Variants in FBXL17 observed in about 807,000 individuals in gnomAD.
FBXL17 encodes F-box/LRR-repeat protein 17.
In FBXL17, 22 loss-of-function variants were observed where a neutral mutation model predicts 66.2. The ratio of observed to expected loss-of-function variants is 0.33; its 90% confidence interval spans 0.24 to 0.47. The LOEUF (loss-of-function observed/expected upper bound fraction) is 0.47, where lower values mean the gene tolerates loss of function less well. Among genes scored for constraint, FBXL17 ranks in the 20% least tolerant of loss-of-function variants. FBXL17 has a pLI of 1.00. For synonymous variants in FBXL17, 474 were observed against 400.5 expected (o/e 1.18, Z -2.19); for missense variants, 878 against 948.2 (o/e 0.93, Z 0.97).
chr5:107,891,581 T>C (rs1054393402), intron 7 of FBXL17, among the ~76,000 whole-genome samples: 6 of 152,102 alleles, frequency 3.9e-5, no homozygotes, highest in African/African-American at 1.4e-4. Flanking sequence ...ATTTTAAAGA[T>C]AGGACCAACA....
At chr5:108,196,247 G>A (rs1483752418) in intron 5 of FBXL17, among the ~76,000 whole-genome samples, 1 of 150,388 alleles carries the variant, frequency 6.6e-6, no homozygotes, top group Non-Finnish European at 1.5e-5. Context: ...AAAAAAAAAC[G>A]CTTATAGCAA....
intron 6 of FBXL17, among the ~76,000 whole-genome samples, chr5:108,145,664 G>A (rs899353851): frequency 6.6e-6 from 1 of 152,082 alleles, no homozygotes; most frequent in Non-Finnish European, 1.5e-5. Context: ...TTATCAGATA[G>A]TGAGAATTAT....
intron 6 of FBXL17, among the ~76,000 whole-genome samples, chr5:108,169,365 C>T (rs1752525167): frequency 6.6e-6 from 1 of 152,122 alleles, no homozygotes; most frequent in South Asian, 2.1e-4. Flanking sequence ...CAAAGATAGT[C>T]ATTCCATAAA....
chr5:108,183,538 G>C (rs1376171666), intron 6 of FBXL17, among the ~76,000 whole-genome samples: 1 of 152,056 alleles, frequency 6.6e-6, no homozygotes, highest in Non-Finnish European at 1.5e-5. Flanking sequence ...TTGTTTTCAG[G>C]AAAGTTAATT....
At chr5:108,025,718 C>G (rs1049319352) in intron 6 of FBXL17, among the ~76,000 whole-genome samples, 1 of 106,842 alleles carries the variant, frequency 9.4e-6, no homozygotes, top group Admixed American at 8.3e-5. Context: ...CACACACACA[C>G]GCGCGCGCGC....
intron 7 of FBXL17, among the ~76,000 whole-genome samples, chr5:108,010,541 A>G (rs1051438813): frequency 1.3e-5 from 2 of 152,124 alleles, no homozygotes; most frequent in African/African-American, 4.8e-5. Flanking sequence ...CTGGAGGAAT[A>G]AAAGACAGAA....
chr5:107,951,008 C>G (rs1004922579), intron 7 of FBXL17, among the ~76,000 whole-genome samples: 1 of 152,154 alleles, frequency 6.6e-6, no homozygotes, highest in Non-Finnish European at 1.5e-5. Context: ...TGGACGATGG[C>G]CTGCCACTAA....
chr5:108,052,387 T>C (rs939177402), intron 6 of FBXL17, among the ~76,000 whole-genome samples: 5 of 151,986 alleles, frequency 3.3e-5, no homozygotes, highest in African/African-American at 4.8e-5. Flanking sequence ...TGTGTAAAAA[T>C]CAGAAGTATT....
chr5:107,990,052 C>G (rs1429745600), intron 7 of FBXL17, among the ~76,000 whole-genome samples: 1 of 152,116 alleles, frequency 6.6e-6, no homozygotes, highest in African/African-American at 2.4e-5. Flanking sequence ...AGTAACTGAG[C>G]AACATATTCT....
chr5:108,145,091 A>G (rs1270928647), intron 6 of FBXL17, among the ~76,000 whole-genome samples: 1 of 152,182 alleles, frequency 6.6e-6, no homozygotes, highest in East Asian at 1.9e-4. Flanking sequence ...AAAAATTTTT[A>G]AGATAATAGT....
intron 5 of FBXL17, among the ~76,000 whole-genome samples, chr5:108,203,059 A>G (rs931035416): frequency 6.6e-6 from 1 of 152,146 alleles, no homozygotes; most frequent in Admixed American, 6.6e-5. Flanking sequence ...AAGGTCATAA[A>G]GTTTTTAAGT....
chr5:107,939,892 A>G (rs994530819), intron 7 of FBXL17, among the ~76,000 whole-genome samples: 3 of 152,168 alleles, frequency 2.0e-5, no homozygotes, highest in African/African-American at 7.2e-5. Context: ...TTCATTGACT[A>G]TATTTCACCT....
chr5:108,048,905 G>A (rs1220606506), intron 6 of FBXL17, among the ~76,000 whole-genome samples: 1 of 152,088 alleles, frequency 6.6e-6, no homozygotes, highest in Non-Finnish European at 1.5e-5. Context: ...TCCAGGAGAA[G>A]ATCCCCAACC....
At chr5:107,906,020 C>G (rs1463692661) in intron 7 of FBXL17, among the ~76,000 whole-genome samples, 2 of 150,454 alleles carry the variant, frequency 1.3e-5, no homozygotes, top group African/African-American at 4.9e-5. Flanking sequence ...CCCAAAGAAA[C>G]TGAAAAGGAA....
At chr5:108,232,866 T>C (rs1375028277) in intron 4 of FBXL17, among the ~76,000 whole-genome samples, 1 of 146,976 alleles carries the variant, frequency 6.8e-6, no homozygotes, top group Non-Finnish European at 1.5e-5. Context: ...TTTATTCATT[T>C]TATTAATGAG....
chr5:108,275,478 C>T (rs1413736115), intron 4 of FBXL17, among the ~76,000 whole-genome samples: 2 of 152,124 alleles, frequency 1.3e-5, no homozygotes, highest in African/African-American at 2.4e-5. Flanking sequence ...AAAATAGTAA[C>T]CATGACTCCC....
intron 8 of FBXL17, chr5:107,879,120 G>A: frequency 1.0e-6 from 1 of 985,436 alleles, no homozygotes; most frequent in Non-Finnish European, 1.2e-6. Flanking sequence ...ACATTCTCCT[G>A]TAGTAACTGT....
At chr5:107,898,679 T>C (rs1379065521) in intron 7 of FBXL17, among the ~76,000 whole-genome samples, 1 of 152,102 alleles carries the variant, frequency 6.6e-6, no homozygotes, top group Non-Finnish European at 1.5e-5. Context: ...TTCCATGTGT[T>C]CTCATTGTTC....
chr5:108,306,718 T>C (rs1264087157), intron 4 of FBXL17, among the ~76,000 whole-genome samples: 2 of 152,100 alleles, frequency 1.3e-5, no homozygotes, highest in Non-Finnish European at 2.9e-5. Flanking sequence ...GGGGATAGCA[T>C]TTTTCCATCA....
Sources: allele counts gnomAD v4.1 joint callset (sites outside exome capture counted in the v4.1 genomes callset), GRCh38; gene constraint gnomAD v4.1.1; transcripts MANE v1.5; gene names NCBI Gene and HGNC (gene_info 2026-07-23, HGNC 2026-07-21).